BLOC1S3: variants seen among roughly 807,000 people sequenced by gnomAD.
The protein encoded by BLOC1S3 is biogenesis of lysosome-related organelles complex 1 subunit 3.
In BLOC1S3, 7 loss-of-function variants were observed where a neutral mutation model predicts 9.1. The observed-to-expected ratio is 0.77, with a 90% CI of 0.44 to 1.45. BLOC1S3 has a LOEUF of 1.45. Among genes scored for constraint, BLOC1S3 ranks in the 40% most tolerant of loss-of-function variants. The probability of loss-of-function intolerance (pLI) is 0.01; values close to 1 mark genes in which losing one functional copy is unlikely to be tolerated. For missense variants in BLOC1S3, 307 were observed against 315.2 expected (o/e 0.97, Z 0.20); for synonymous variants, 145 against 158.4 (o/e 0.92, Z 0.64).
At chr19:45,204,926 G>T (rs1305097059) in intron 3 of BLOC1S3, among the ~76,000 whole-genome samples, 2 of 151,834 alleles carry the variant, frequency 1.3e-5, no homozygotes, top group East Asian at 3.9e-4. Context: ...TAGAGACAGG[G>T]TTTCTCCATG....
Position 45,179,526 on chromosome 19 carries a change from C to A in BLOC1S3, c.230C>A (p.Pro77Gln). 1 of 1,523,172 alleles carries A rather than the reference C, an allele frequency of 6.6e-7. No individual in the cohort carries two copies. Among genetic ancestry groups the A allele is most frequent in the South Asian group, 1.2e-5 (1 of 82,722 alleles). 94.4% of individuals were successfully genotyped at this position (1,523,172 alleles called of 1,614,324 possible). The change falls in exon 2 of 2, where the codon CCG (proline) becomes CAG (glutamine). Residue 77 changes from proline (P) to glutamine (Q), a missense_variant. Coordinates refer to ENST00000433642, the MANE Select transcript of BLOC1S3 (RefSeq NM_212550.5). The surrounding 1 kb of genome is among the most constrained non-coding windows in gnomAD (Gnocchi z 4.6). ...PEPEPEPTAA[P>Q]RDLPPLVVQR... is the part of the protein sequence containing the mutation. ...CCGGAGCCGGAACCGACGGCCGCGC[C>A]GAGGGACCTGCCTCCACTCGTGGTG... is the stretch of plus-strand genomic sequence containing the variant.
chr19:45,214,275 C>T (rs1599759138), intron 3 of BLOC1S3, among the ~76,000 whole-genome samples: 1 of 152,054 alleles, frequency 6.6e-6, no homozygotes, highest in Non-Finnish European at 1.5e-5. Context: ...AACTGAAACC[C>T]GCTCATGCCT....
intron 2 of BLOC1S3, among the ~76,000 whole-genome samples, chr19:45,198,061 A>G (rs1394941967): frequency 1.3e-5 from 2 of 152,018 alleles, no homozygotes; most frequent in Non-Finnish European, 2.9e-5. Flanking sequence ...AGAGATAAAC[A>G]GGAGTGTGGG....
downstream of BLOC1S3, among the ~76,000 whole-genome samples, chr19:45,186,402 A>G (rs931345578): frequency 4.6e-5 from 7 of 152,040 alleles, no homozygotes; most frequent in Non-Finnish European, 8.8e-5. Context: ...GGCTCAAGCA[A>G]TCCTCCTACC....
chr19:45,183,137 G>T (rs954870985), downstream of BLOC1S3, among the ~76,000 whole-genome samples: 4 of 151,998 alleles, frequency 2.6e-5, no homozygotes, highest in East Asian at 3.8e-4. Context: ...GGGCAGGGGG[G>T]TGCTGAGTGC....
intron 2 of BLOC1S3, among the ~76,000 whole-genome samples, chr19:45,201,086 C>T (rs1969687312): frequency 6.6e-6 from 1 of 151,964 alleles, no homozygotes; most frequent in Admixed American, 6.6e-5. Context: ...GCCTGTAGTC[C>T]CAGCTACTTG....
At chr19:45,183,997 G>A (rs758736703), downstream of BLOC1S3, among the ~76,000 whole-genome samples, 125 of 152,238 alleles carry the variant, frequency 8.2e-4, no homozygotes, top group Non-Finnish European at 2.2e-4. Context: ...CTGGGAGAGT[G>A]GCAGCTTAGT....
chr19:45,180,131 C>A lies in BLOC1S3; in HGVS notation c.*226C>A, dbSNP rs1568470247. The A allele has an allele frequency of 6.3e-6, 3 of 475,994 alleles. No individual in the cohort carries two copies. Among genetic ancestry groups the A allele is most frequent in the South Asian group, 8.2e-5 (2 of 24,258 alleles). The allele number at this position is 475,994 out of a possible 1,614,324, so 29.5% of individuals were successfully genotyped here. A position where few individuals can be genotyped will look rare whatever the true frequency, so the allele number is the denominator to read the frequency against. On this transcript the variant is annotated 3_prime_UTR_variant, in exon 2 of 2. Transcript: ENST00000433642. ...CTATCCTTAGATCTGGTTCCTCTCC[C>A]GATCCTGACCCTGCCGCCTGGTTCT...
chr19:45,213,236 G>A (rs750772950), intron 3 of BLOC1S3: 215 of 1,612,948 alleles, frequency 1.3e-4, no homozygotes, highest in Non-Finnish European at 1.8e-4. Flanking sequence ...GCACGGTCCC[G>A]AGGGGGTGAC....
At chr19:45,183,127 G>A (rs996667086), downstream of BLOC1S3, among the ~76,000 whole-genome samples, 1 of 152,070 alleles carries the variant, frequency 6.6e-6, no homozygotes, top group African/African-American at 2.4e-5. Flanking sequence ...GGTGGTTGTG[G>A]GGCAGGGGGG....
chr19:45,208,054 A>T (rs1385031884), intron 3 of BLOC1S3, among the ~76,000 whole-genome samples: 2 of 150,642 alleles, frequency 1.3e-5, no homozygotes, highest in African/African-American at 4.9e-5. Context: ...GGCTCATCGC[A>T]ACCTCTACCT....
chr19:45,213,153 G>A (rs371153611), intron 3 of BLOC1S3: 15 of 1,590,944 alleles, frequency 9.4e-6, no homozygotes, highest in South Asian at 7.9e-5. Context: ...GCCGGGAGAG[G>A]GGGAGGCGGC....
downstream of BLOC1S3, among the ~76,000 whole-genome samples, chr19:45,185,976 G>T (rs1969563139): frequency 6.6e-6 from 1 of 152,102 alleles, no homozygotes; most frequent in African/African-American, 2.4e-5. Context: ...TTCTGGGCGT[G>T]GTGGTGTGCA....
At chr19:45,208,864 A>G (rs1451653849) in intron 3 of BLOC1S3, among the ~76,000 whole-genome samples, 4 of 152,140 alleles carry the variant, frequency 2.6e-5, no homozygotes, top group Admixed American at 2.0e-4. Flanking sequence ...GAAAAAAAAT[A>G]ACATATCAAA....
Position 45,179,411 on chromosome 19 carries a change from C to A in BLOC1S3, c.115C>A (p.Leu39Met). 1.3e-6 allele frequency: 2 copies of A among 1,563,908 alleles called. No homozygotes were observed. Among genetic ancestry groups the A allele is most frequent in the Non-Finnish European group, 8.6e-7 (1 of 1,162,706 alleles). Residue 39 changes from leucine (L) to methionine (M), a missense_variant, in exon 2 of 2, where the codon CTG becomes ATG. Physicochemically the swap from Leu to Met is conservative, Grantham distance 15 (BLOSUM62 2). Transcript: ENST00000433642. The surrounding 1 kb of genome is among the most constrained non-coding windows in gnomAD (Gnocchi z 4.6). ...RSASSSEEEELYLGPSGPTRG... is the reference protein window; with the variant it reads ...RSASSSEEEEMYLGPSGPTRG... ...TGCGTCCTCGTCGGAGGAGGAGGAG[C>A]TGTACCTGGGTCCTTCGGGCCCGAC...
At chr19:45,198,333 A>G (rs905681442) in intron 2 of BLOC1S3, among the ~76,000 whole-genome samples, 4 of 152,122 alleles carry the variant, frequency 2.6e-5, no homozygotes, top group African/African-American at 7.2e-5. Context: ...TTTGTTGCCC[A>G]GGCTCTGGAG....
At chr19:45,204,109 C>T (rs1358802599) in intron 3 of BLOC1S3, among the ~76,000 whole-genome samples, 1 of 151,696 alleles carries the variant, frequency 6.6e-6, no homozygotes, top group African/African-American at 2.4e-5. Context: ...CCGGTTCAAG[C>T]AATTCTCCTG....
intron 3 of BLOC1S3, chr19:45,212,954 T>G: frequency 1.7e-6 from 2 of 1,207,100 alleles, no homozygotes; most frequent in South Asian, 1.9e-5. Context: ...CATCTAAGGG[T>G]CTTTCTATCC....
chr19:45,210,782 C>T (rs1416883015), intron 3 of BLOC1S3, among the ~76,000 whole-genome samples: 1 of 152,134 alleles, frequency 6.6e-6, no homozygotes, highest in Non-Finnish European at 1.5e-5. Flanking sequence ...CAATGGAGGA[C>T]CAACATCTGA....
Sources: allele counts gnomAD v4.1 joint callset (sites outside exome capture counted in the v4.1 genomes callset), GRCh38; gene constraint gnomAD v4.1.1; non-coding constraint Gnocchi (gnomAD v3.1); transcripts MANE v1.5; gene names NCBI Gene and HGNC (gene_info 2026-07-23, HGNC 2026-07-21).